DNAH8: variants seen among roughly 807,000 people sequenced by gnomAD.
DNAH8 encodes the protein dynein axonemal heavy chain 8.
In DNAH8, 382 loss-of-function variants were observed where a neutral mutation model predicts 562.1. The ratio of observed to expected loss-of-function variants is 0.68; its 90% CI spans 0.63 to 0.74. The LOEUF (loss-of-function observed/expected upper bound fraction) is 0.74, where lower values mean the gene tolerates loss of function less well. DNAH8 is among the 30% of genes least tolerant of loss of function. The pLI is 0.00. For synonymous variants in DNAH8, 1,881 were observed against 1,919.4 expected (o/e 0.98, Z 0.52); for missense variants, 5,203 against 5,620.4 (o/e 0.93, Z 2.37).
At chr6:38,935,748 C>A in intron 77 of DNAH8, 51 bp downstream of exon 77, 2 of 1,321,990 alleles carry the variant, frequency 1.5e-6, no homozygotes, top group South Asian at 1.3e-5. Flanking sequence ...ATAAGGATTT[C>A]ATTTACACTC....
intron 10 of DNAH8, among the ~76,000 whole-genome samples, chr6:38,760,699 G>A (rs1253267605): frequency 6.6e-6 from 1 of 152,042 alleles, no homozygotes; most frequent in East Asian, 1.9e-4. Flanking sequence ...TGAATGGTTT[G>A]GTGCCCTCCT....
chr6:38,946,254 G>T (rs1416932222), intron 80 of DNAH8, among the ~76,000 whole-genome samples: 1 of 152,198 alleles, frequency 6.6e-6, no homozygotes, highest in African/African-American at 2.4e-5. Context: ...GCTAGTGACT[G>T]ACAGATGGGG....
At chr6:38,735,498 T>C (rs776990251) in intron 5 of DNAH8, among the ~76,000 whole-genome samples, 2 of 152,228 alleles carry the variant, frequency 1.3e-5, no homozygotes, top group African/African-American at 4.8e-5. Flanking sequence ...CTGTCTTTTT[T>C]TCTTTCTGTT....
At chr6:38,998,524 G>A (rs573536186) in intron 88 of DNAH8, among the ~76,000 whole-genome samples, 1 of 152,228 alleles carries the variant, frequency 6.6e-6, no homozygotes, top group African/African-American at 2.4e-5. Context: ...AAATTGAAAT[G>A]TATTCCCTTG....
At chr6:38,847,935 C>T (rs1775426659) in intron 36 of DNAH8, among the ~76,000 whole-genome samples, 1 of 152,090 alleles carries the variant, frequency 6.6e-6, no homozygotes, top group Non-Finnish European at 1.5e-5. Flanking sequence ...AAACAGGAGC[C>T]CTGCTATATG....
intron 66 of DNAH8, 144 bp downstream of exon 66, chr6:38,911,730 G>T (rs1780918369): frequency 3.2e-6 from 2 of 627,798 alleles, no homozygotes; most frequent in Admixed American, 2.9e-5. Flanking sequence ...TGGCCTTGAG[G>T]GTATTTTGAC....
rs1439126677 is a variant in DNAH8, at chr6:38,729,998, C to A, written c.610+12C>A. The A allele has an allele frequency of 1.0e-5, 14 of 1,379,866 alleles. No homozygotes were observed. Among genetic ancestry groups the A allele is most frequent in the Non-Finnish European group, 1.4e-5 (14 of 973,574 alleles). The allele number at this position is 1,379,866 out of a possible 1,614,324, so 85.5% of individuals were successfully genotyped here. On this transcript the variant is annotated intron_variant, in intron 4 of 92. Coordinates refer to ENST00000327475, the MANE Select transcript of DNAH8 (RefSeq NM_001206927.2). ...TGTACCTGGTATTGGTAAGAATTTT[C>A]TGAGGGCAGTGTGCCAGTAATTAGT...
chr6:39,009,078 AG>A, intron 89 of DNAH8, 108 bp downstream of exon 89: 1 of 720,822 alleles, frequency 1.4e-6, no homozygotes, highest in Non-Finnish European at 2.2e-6. Context: ...ACTATGTGGC[AG>A]ATTACCTGTG....
At chr6:38,749,666 T>C (rs895059173) in intron 8 of DNAH8, among the ~76,000 whole-genome samples, 7 of 152,160 alleles carry the variant, frequency 4.6e-5, no homozygotes, top group African/African-American at 1.7e-4. Flanking sequence ...GTGTGTTCAC[T>C]AGGCTCCATT....
chr6:38,794,198 G>A (rs1001719551), intron 21 of DNAH8, among the ~76,000 whole-genome samples: 20 of 151,592 alleles, frequency 1.3e-4, no homozygotes, highest in Admixed American at 9.9e-4. Flanking sequence ...TTCCTTTCTC[G>A]TCCACTCTTT....
At position 38,737,150 on chromosome 6, in the gene DNAH8, T is replaced by C. The variant is rs1227171216; in HGVS notation, c.846T>C (p.Ala282=). The C allele has an allele frequency of 6.3e-7, 1 of 1,585,002 alleles. No individual in the cohort carries two copies. The highest frequency in any genetic ancestry group is 1.4e-5 in the African/African-American group (1 of 73,632). Residue 282 remains alanine, a synonymous_variant, in exon 6 of 93, where the codon GCT becomes GCC. Transcript: ENST00000327475. ...TGTTGGCAAATATATTTCTACCAGC[T>C]GTTCTTGCAACAAACAACTGGGGTG... ...RDMLANIFLP[A]VLATNNWGAL...
Position 38,729,979 on chromosome 6 carries a change from T to G in DNAH8, c.603T>G (p.Pro201=). The change falls in exon 4 of 93, where the codon CCT becomes CCG. Residue 201 remains proline (P), a synonymous_variant. Coordinates refer to ENST00000327475, the MANE Select transcript of DNAH8 (RefSeq NM_001206927.2). ...TTTTGTACCAAGAAGGAGATGTACC[T>G]GGTATTGGTAAGAATTTTCTGAGGG... is the stretch of plus-strand genomic sequence containing the variant. The part of the protein sequence containing the change: ...LKFLYQEGDV[P]GIECGRTIAG... 1 of 1,561,924 alleles carries G rather than the reference T, an allele frequency of 6.4e-7. No individual in the cohort carries two copies. The highest frequency in any genetic ancestry group is 1.1e-5 in the South Asian group (1 of 87,576).
At position 38,981,167 on chromosome 6, in the gene DNAH8, A is replaced by G. The variant is rs539305125; in HGVS notation, c.12835-1179A>G. 5.9e-5 allele frequency among the ~76,000 whole-genome samples: 9 copies of G among 152,216 alleles called. No homozygotes were observed. The South Asian group carries it at 6.2e-4, about 11-fold the overall frequency. On this transcript the variant is annotated intron_variant, in intron 85 of 92. Transcript: ENST00000327475. ...GATGTATAGGGATTCTACTCTCCAC[A>G]TGAGTCCTCACCTTAGGCACTAGAA... is the stretch of plus-strand genomic sequence containing the variant.
At chr6:38,793,528 A>G (rs1769950728) in intron 21 of DNAH8, among the ~76,000 whole-genome samples, 1 of 151,828 alleles carries the variant, frequency 6.6e-6, no homozygotes, top group Non-Finnish European at 1.5e-5. Flanking sequence ...GGATTCTCCT[A>G]TTTTAGATTT....
chr6:38,966,698 A>G (rs985944478), intron 82 of DNAH8, among the ~76,000 whole-genome samples: 8 of 152,236 alleles, frequency 5.3e-5, no homozygotes, highest in African/African-American at 1.9e-4. Context: ...TCAATGTAAT[A>G]TACCATATTA....
chr6:38,746,056 G>A (rs1377433851), intron 8 of DNAH8, among the ~76,000 whole-genome samples: 1 of 152,240 alleles, frequency 6.6e-6, no homozygotes, highest in East Asian at 1.9e-4. Context: ...TCTTGACTGC[G>A]GCCGTCATTA....
At chr6:38,995,524 T>C (rs1765078046) in intron 88 of DNAH8, among the ~76,000 whole-genome samples, 1 of 152,240 alleles carries the variant, frequency 6.6e-6, no homozygotes, top group African/African-American at 2.4e-5. Context: ...GGCTCAGTGC[T>C]AGTTCTTTGA....
At chr6:38,780,209 G>A in intron 15 of DNAH8, 144 bp downstream of exon 15, 2 of 785,442 alleles carry the variant, frequency 2.5e-6, no homozygotes, top group East Asian at 2.7e-5. Context: ...TTCTGTGTGG[G>A]AAGGTGCTTG....
intron 22 of DNAH8, 93 bp downstream of exon 22, chr6:38,803,404 C>A: frequency 2.4e-6 from 2 of 847,704 alleles, no homozygotes; most frequent in South Asian, 4.3e-5. Flanking sequence ...AATTCCAGAC[C>A]CTCCCTTCCC....
Sources: allele counts gnomAD v4.1 joint callset (sites outside exome capture counted in the v4.1 genomes callset), GRCh38; gene constraint gnomAD v4.1.1; transcripts MANE v1.5; gene names NCBI Gene and HGNC (gene_info 2026-07-23, HGNC 2026-07-21).